Variants in METTL8 observed in about 807,000 individuals in gnomAD.
METTL8 encodes the protein methyltransferase 8, tRNA N3-cytidine, also known as tRNA N(3)-cytidine methyltransferase METTL8, mitochondrial.
Under a neutral mutation model 48.7 loss-of-function variants are expected in METTL8, and 32 were observed. The observed-to-expected ratio is 0.66, with a 90% CI of 0.50 to 0.88. The LOEUF (loss-of-function observed/expected upper bound fraction) is 0.88, where lower values mean the gene tolerates loss of function less well. Among genes scored for constraint, METTL8 ranks in the 40% least tolerant of loss-of-function variants. METTL8 has a pLI of 0.00. For synonymous variants in METTL8, 136 were observed against 157.1 expected (o/e 0.87, Z 1.01); for missense variants, 464 against 474.4 (o/e 0.98, Z 0.20).
chr2:171,402,190 G>A (rs569289943), intron 1 of METTL8, among the ~76,000 whole-genome samples: 1 of 152,192 alleles, frequency 6.6e-6, no homozygotes, highest in Admixed American at 6.5e-5. Context: ...GGGAATTTCA[G>A]GCAGGAGGAT....
At chr2:171,434,193 T>G (rs765620580), upstream of METTL8, 5 of 391,660 alleles carry the variant, frequency 1.3e-5, no homozygotes, top group East Asian at 7.8e-5. Context: ...AAGCCCTCGC[T>G]CCCCGCCGCC....
chr2:171,423,641 G>A (rs1187168292), intron 1 of METTL8, among the ~76,000 whole-genome samples: 1 of 152,196 alleles, frequency 6.6e-6, no homozygotes, highest in Non-Finnish European at 1.5e-5. Flanking sequence ...TTTTGTCCCT[G>A]CCCTAGAGAT....
chr2:171,432,198 G>A (rs1286722782), intron 1 of METTL8, among the ~76,000 whole-genome samples: 2 of 152,016 alleles, frequency 1.3e-5, no homozygotes, highest in African/African-American at 4.8e-5. Context: ...GTCTCCAGCT[G>A]CGGAGGTCTC....
chr2:171,359,914 A>T (rs1225101440), intron 3 of METTL8, among the ~76,000 whole-genome samples: 1 of 152,138 alleles, frequency 6.6e-6, no homozygotes, highest in Non-Finnish European at 1.5e-5. Context: ...ATAGTAGCAT[A>T]GGCCAATTTT....
chr2:171,325,230 G>A (rs550381655), intron 9 of METTL8, among the ~76,000 whole-genome samples: 12 of 151,630 alleles, frequency 7.9e-5, no homozygotes, highest in Admixed American at 7.9e-4. Context: ...CTGCTGCCCA[G>A]GCTGGAGCAC....
At chr2:171,383,617 G>A (rs754513709) in intron 2 of METTL8, among the ~76,000 whole-genome samples, 3 of 152,114 alleles carry the variant, frequency 2.0e-5, no homozygotes, top group African/African-American at 4.8e-5. Flanking sequence ...TAAAACAAGT[G>A]CTTAGTGCTT....
Position 171,385,856 on chromosome 2 carries a change from A to C in METTL8, c.143+6187T>G, listed in dbSNP as rs1688000561. ...TTTATCTTTTAAATCCTAGGATTCC[A>C]TGTTAAAGCTTCACTTGAAAATAGT... On this transcript the variant is annotated intron_variant, in intron 2 of 9. Transcript: ENST00000375258. Among the ~76,000 whole-genome samples the C allele has an allele frequency of 2.0e-5, 3 of 152,236 alleles. No homozygotes were observed. In the South Asian group the frequency reaches 6.2e-4, roughly 31 times the overall value.
intron 1 of METTL8, among the ~76,000 whole-genome samples, chr2:171,397,553 CAA>C (rs34936693): frequency 0.01 from 528 of 52,126 alleles, 1 homozygote; most frequent in African/African-American, 0.029. Flanking sequence ...AACCCTGCCT[CAA>C]AAAAAAAAAA....
chr2:171,377,308 C>T (rs1259132819), intron 2 of METTL8, among the ~76,000 whole-genome samples: 2 of 151,944 alleles, frequency 1.3e-5, no homozygotes, highest in South Asian at 2.1e-4. Flanking sequence ...ATGACTAAGA[C>T]CCCAAAAGCA....
In METTL8 at chr2:171,422,759, A is replaced by AT. The variant is rs1692001126; in HGVS notation, c.-13+11123dup. Among the ~76,000 whole-genome samples the AT allele has an allele frequency of 7.9e-5, 12 of 152,342 alleles. No individual in the cohort carries two copies. In the South Asian group the frequency reaches 2.5e-3, roughly 32 times the overall value. On this transcript the variant is annotated intron_variant, in intron 1 of 9. Coordinates refer to ENST00000375258, the MANE Select transcript of METTL8 (RefSeq NM_001321154.2). ...ATGGAAAATGCATAAAAATCATAAT[A>AT]TGATAGTCTTATATTCACTACATTG...
intron 5 of METTL8, chr2:171,332,694 G>C (rs935760457): frequency 6.6e-6 from 1 of 152,210 alleles, no homozygotes; most frequent in Non-Finnish European, 1.5e-5. Flanking sequence ...AAACAGTAAG[G>C]ATGGTCCTGG....
At chr2:171,407,984 T>C (rs1690359893) in intron 1 of METTL8, among the ~76,000 whole-genome samples, 1 of 152,252 alleles carries the variant, frequency 6.6e-6, no homozygotes, top group Non-Finnish European at 1.5e-5. Context: ...TGCATGATGA[T>C]GGTCAGTAGC....
chr2:171,347,303 G>A (rs898931488), intron 3 of METTL8, among the ~76,000 whole-genome samples: 1 of 152,176 alleles, frequency 6.6e-6, no homozygotes, highest in Non-Finnish European at 1.5e-5. Flanking sequence ...TACAGAGAGA[G>A]GCCAGTCACC....
chr2:171,345,814 A>G (rs1157518102), intron 3 of METTL8, among the ~76,000 whole-genome samples: 1 of 152,192 alleles, frequency 6.6e-6, no homozygotes, highest in East Asian at 1.9e-4. Context: ...GATATGACAC[A>G]CTGGAGATGT....
chr2:171,426,038 T>G (rs1288251553), intron 1 of METTL8, among the ~76,000 whole-genome samples: 3 of 152,102 alleles, frequency 2.0e-5, no homozygotes, highest in Admixed American at 1.3e-4. Flanking sequence ...GCACCTGTAA[T>G]CCCAGCTACA....
chr2:171,336,470 C>T (rs1686122806), intron 5 of METTL8, among the ~76,000 whole-genome samples: 1 of 143,600 alleles, frequency 7.0e-6, no homozygotes, highest in Non-Finnish European at 1.5e-5. Flanking sequence ...AGCGAGATCT[C>T]GGCTCACTGC....
chr2:171,400,261 T>C (rs758945855), intron 1 of METTL8, among the ~76,000 whole-genome samples: 14 of 152,164 alleles, frequency 9.2e-5, no homozygotes, highest in Admixed American at 3.3e-4. Flanking sequence ...AGAATCCACA[T>C]TCTACCTTTT....
chr2:171,380,615 G>A (rs1687423554), intron 2 of METTL8, among the ~76,000 whole-genome samples: 1 of 152,152 alleles, frequency 6.6e-6, no homozygotes, highest in Admixed American at 6.6e-5. Context: ...TAGACGAGCA[G>A]AGAGCCAAAT....
intron 7 of METTL8, among the ~76,000 whole-genome samples, chr2:171,328,843 CCA>C (rs1294937851): frequency 6.6e-6 from 1 of 152,098 alleles, no homozygotes; most frequent in Non-Finnish European, 1.5e-5. Flanking sequence ...GTGTGTGCCA[CCA>C]CAGCCAGGTG....
Sources: allele counts gnomAD v4.1 joint callset (sites outside exome capture counted in the v4.1 genomes callset), GRCh38; gene constraint gnomAD v4.1.1; transcripts MANE v1.5; gene names NCBI Gene and HGNC (gene_info 2026-07-23, HGNC 2026-07-21).